Variants in XKR9 observed in about 807,000 individuals in gnomAD.
XKR9 encodes XK-related protein 9.
Under a neutral mutation model 32.0 loss-of-function variants are expected in XKR9, and 32 were observed. The ratio of observed to expected loss-of-function variants is 1.00; its 90% confidence interval spans 0.76 to 1.34. The LOEUF (loss-of-function observed/expected upper bound fraction) is 1.34, where lower values mean the gene tolerates loss of function less well. XKR9 is among the 40% of genes most tolerant of loss of function. The probability of loss-of-function intolerance (pLI) is 0.00; values close to 1 mark genes in which losing one functional copy is unlikely to be tolerated. For missense variants in XKR9, 546 were observed against 429.7 expected (o/e 1.27, Z -2.39); for synonymous variants, 168 against 143.4 (o/e 1.17, Z -1.22).
the XKR9 span, among the ~76,000 whole-genome samples, chr8:70,871,966 T>C: frequency 2.0e-5 from 3 of 152,178 alleles, no homozygotes; most frequent in Non-Finnish European, 4.4e-5. Flanking sequence ...ACTTTTCCAA[T>C]TTGGGACTTT....
chr8:71,064,763 A>G, the XKR9 span, among the ~76,000 whole-genome samples: 1 of 152,034 alleles, frequency 6.6e-6, no homozygotes, highest in Non-Finnish European at 1.5e-5. Context: ...TTTCCATTCT[A>G]TAGGGTTCAA....
At chr8:70,799,896 A>G in the XKR9 span, among the ~76,000 whole-genome samples, 13 of 152,170 alleles carry the variant, frequency 8.5e-5, no homozygotes, top group African/African-American at 2.7e-4. Flanking sequence ...TTCCAATACT[A>G]TGTTGAATAG....
chr8:70,872,824 C>T, the XKR9 span, among the ~76,000 whole-genome samples: 1 of 152,094 alleles, frequency 6.6e-6, no homozygotes, highest in Non-Finnish European at 1.5e-5. Context: ...CCACGCCCAG[C>T]TAATTTTGTA....
the XKR9 span, among the ~76,000 whole-genome samples, chr8:70,946,474 A>G: frequency 6.6e-6 from 1 of 152,210 alleles, no homozygotes; most frequent in African/African-American, 2.4e-5. Flanking sequence ...CTCTGCATAC[A>G]TATACCCTAC....
the XKR9 span, among the ~76,000 whole-genome samples, chr8:71,048,789 C>T: frequency 1.3e-5 from 2 of 152,138 alleles, no homozygotes; most frequent in African/African-American, 2.4e-5. Flanking sequence ...TTCTGAAGCA[C>T]GGCAATGGGA....
the XKR9 span, among the ~76,000 whole-genome samples, chr8:70,938,247 T>A: frequency 6.6e-6 from 1 of 151,936 alleles, no homozygotes; most frequent in Non-Finnish European, 1.5e-5. Context: ...AGTGAGTGTG[T>A]GTCCATGTGT....
chr8:70,987,778 T>C, the XKR9 span, among the ~76,000 whole-genome samples: 1 of 152,216 alleles, frequency 6.6e-6, no homozygotes, highest in South Asian at 2.1e-4. Flanking sequence ...ATTTTCCTTC[T>C]ACACTGTCCT....
the XKR9 span, among the ~76,000 whole-genome samples, chr8:70,992,267 C>T: frequency 6.6e-6 from 1 of 152,034 alleles, no homozygotes; most frequent in African/African-American, 2.4e-5. Context: ...TAAACTTTCC[C>T]CTAAAACATA....
chr8:70,831,518 TCTC>T, the XKR9 span, among the ~76,000 whole-genome samples: 3 of 152,064 alleles, frequency 2.0e-5, no homozygotes, highest in East Asian at 5.8e-4. Flanking sequence ...ATTAAAGACT[TCTC>T]CTTCATCTCT....
intron 2 of XKR9, among the ~76,000 whole-genome samples, chr8:70,774,555 A>G (rs916033850): frequency 6.6e-6 from 1 of 152,154 alleles, no homozygotes; most frequent in South Asian, 2.1e-4. Flanking sequence ...TTAGATCTAT[A>G]GGCCATTTGG....
At chr8:70,745,842 A>G (rs917334892) in intron 2 of XKR9, among the ~76,000 whole-genome samples, 4 of 152,316 alleles carry the variant, frequency 2.6e-5, no homozygotes, top group East Asian at 3.9e-4. Context: ...CTCATTTCCA[A>G]TTGTAAATCT....
downstream of XKR9, among the ~76,000 whole-genome samples, chr8:70,792,358 G>A (rs1373214523): frequency 7.2e-5 from 11 of 152,054 alleles, no homozygotes; most frequent in South Asian, 2.1e-4. Context: ...ATCCTCAGGC[G>A]TGAGTTGCCT....
At chr8:70,742,530 T>G (rs1332647776) in intron 2 of XKR9, among the ~76,000 whole-genome samples, 1 of 152,250 alleles carries the variant, frequency 6.6e-6, no homozygotes, top group Non-Finnish European at 1.5e-5. Flanking sequence ...GTGTTATTAT[T>G]TCTCTTCAGC....
chr8:71,007,769 G>A, the XKR9 span, among the ~76,000 whole-genome samples: 1 of 152,084 alleles, frequency 6.6e-6, no homozygotes, highest in Admixed American at 6.5e-5. Flanking sequence ...CTGGGTAGGT[G>A]AGAATATGAT....
rs544042499 is a variant in XKR9, at chr8:70,746,971, A to G, written n.352+39818A>G. ...GTTTATTGTTCCCATCTCTGTGTCCATGTATACCCATTGTTTAGCTCCCAC... is the reference window on the plus strand; with the variant it reads ...GTTTATTGTTCCCATCTCTGTGTCCGTGTATACCCATTGTTTAGCTCCCAC... On this transcript the variant is annotated intron_variant and non_coding_transcript_variant, in intron 2 of 3. Coordinates refer to the XKR9 transcript ENST00000520273. Among the ~76,000 whole-genome samples the G allele has an allele frequency of 5.9e-5, 9 of 152,184 alleles. No homozygotes were observed. The East Asian group carries it at 1.5e-3, about 26-fold the overall frequency.
chr8:70,705,275 A>G (rs1011080550), intron 3 of XKR9, among the ~76,000 whole-genome samples: 9 of 152,334 alleles, frequency 5.9e-5, no homozygotes, highest in East Asian at 1.9e-4. Flanking sequence ...AATGAACAAA[A>G]CAAAGTCTGT....
At chr8:70,716,999 A>G (rs1401878935) in intron 4 of XKR9, among the ~76,000 whole-genome samples, 2 of 152,238 alleles carry the variant, frequency 1.3e-5, no homozygotes, top group African/African-American at 4.8e-5. Flanking sequence ...TCTGAAATGC[A>G]GTGGAGCAGT....
At chr8:70,922,976 C>G in the XKR9 span, among the ~76,000 whole-genome samples, 4 of 152,346 alleles carry the variant, frequency 2.6e-5, no homozygotes, top group African/African-American at 9.6e-5. Context: ...CAAAAGCAAT[C>G]CCTGTAGCTT....
the XKR9 span, among the ~76,000 whole-genome samples, chr8:70,991,679 A>G: frequency 1.3e-5 from 2 of 152,238 alleles, no homozygotes; most frequent in African/African-American, 4.8e-5. Context: ...TCTTAGAACC[A>G]TAGGCATAGA....
Sources: gnomAD v4.1 joint callset for allele counts (sites outside exome capture counted in the v4.1 genomes callset) on GRCh38, gnomAD v4.1.1 for gene constraint, MANE v1.5 for transcripts, NCBI Gene and HGNC (gene_info 2026-07-23, HGNC 2026-07-21) for gene names.